TMEM178B: variants seen among roughly 807,000 people sequenced by gnomAD.
TMEM178B encodes transmembrane protein 178B.
A neutral mutation model predicts 31.0 loss-of-function variants in TMEM178B; 5 were observed. That is an observed-to-expected ratio of 0.16 (90% CI 0.08 to 0.34). TMEM178B has a LOEUF of 0.34. Ranked by LOEUF, TMEM178B falls within the 10% of genes least tolerant of loss-of-function variation. The pLI is 1.00. For synonymous variants in TMEM178B, 164 were observed against 164.0 expected, an observed-to-expected ratio of 1.00 and a Z score of 0.00; for missense variants, 275 against 400.3, an observed-to-expected ratio of 0.69 and a Z score of 2.67.
chr7:141,182,791 C>T (rs1467191334), intron 1 of TMEM178B, among the ~76,000 whole-genome samples: 1 of 152,140 alleles, frequency 6.6e-6, no homozygotes, highest in Non-Finnish European at 1.5e-5. Flanking sequence ...TGGGAGTTCC[C>T]CTGCACAAGC....
At chr7:141,306,146 G>A (rs931671084) in intron 2 of TMEM178B, among the ~76,000 whole-genome samples, 8 of 152,158 alleles carry the variant, frequency 5.3e-5, no homozygotes, top group South Asian at 2.1e-4. Context: ...CTTGGCTGCC[G>A]TTAATGTCAT....
chr7:141,423,905 T>C (rs1388423765), intron 2 of TMEM178B, among the ~76,000 whole-genome samples: 6 of 147,158 alleles, frequency 4.1e-5, no homozygotes, highest in Non-Finnish European at 8.9e-5. Flanking sequence ...ACCTCCTGGG[T>C]TCAAGTGATT....
intron 1 of TMEM178B, among the ~76,000 whole-genome samples, chr7:141,193,916 C>T (rs1279813533): frequency 6.6e-6 from 1 of 152,192 alleles, no homozygotes; most frequent in East Asian, 1.9e-4. Flanking sequence ...CCTCAGGCCA[C>T]CTCATATACT....
chr7:141,097,863 C>T (rs1199413185), intron 1 of TMEM178B, among the ~76,000 whole-genome samples: 1 of 146,440 alleles, frequency 6.8e-6, no homozygotes, highest in Non-Finnish European at 1.5e-5. Flanking sequence ...AACGATCTCT[C>T]TCACTGCAGC....
intron 1 of TMEM178B, among the ~76,000 whole-genome samples, chr7:141,187,114 C>T (rs541903617): frequency 2.0e-3 from 247 of 126,356 alleles, no homozygotes; most frequent in African/African-American, 6.9e-3. Context: ...ACAACAGTCC[C>T]TGGTGTGTGA....
intron 2 of TMEM178B, among the ~76,000 whole-genome samples, chr7:141,333,013 G>A (rs1445309389): frequency 2.0e-5 from 3 of 152,160 alleles, no homozygotes; most frequent in African/African-American, 7.2e-5. Flanking sequence ...ACCATTTTGA[G>A]AAATTTTCAA....
downstream of TMEM178B, among the ~76,000 whole-genome samples, chr7:141,483,749 T>G (rs1168889572): frequency 6.6e-6 from 1 of 151,778 alleles, no homozygotes; most frequent in African/African-American, 2.4e-5. Flanking sequence ...CTTTTTTTTT[T>G]TTTTGAGATG....
chr7:141,239,044 G>A (rs1011668702), intron 2 of TMEM178B, among the ~76,000 whole-genome samples: 3 of 152,148 alleles, frequency 2.0e-5, no homozygotes, highest in African/African-American at 7.2e-5. Context: ...TGCAGGAGCC[G>A]GTAGGAGCTA....
chr7:141,287,665 A>G (rs1332051106), intron 2 of TMEM178B, among the ~76,000 whole-genome samples: 1 of 152,148 alleles, frequency 6.6e-6, no homozygotes, highest in Non-Finnish European at 1.5e-5. Context: ...ACAAAATCTG[A>G]GCCTTTTCAG....
chr7:141,141,491 T>C (rs767052643), intron 1 of TMEM178B, among the ~76,000 whole-genome samples: 6 of 152,212 alleles, frequency 3.9e-5, no homozygotes, highest in Non-Finnish European at 7.4e-5. Context: ...TATAGTACCC[T>C]GATTCTTTCA....
chr7:141,265,860 C>T (rs1339302644), intron 2 of TMEM178B, among the ~76,000 whole-genome samples: 3 of 152,220 alleles, frequency 2.0e-5, no homozygotes, highest in Non-Finnish European at 4.4e-5. Flanking sequence ...TCATAGAGAA[C>T]CGAGATCTTG....
chr7:141,225,723 C>T (rs1172512661), intron 2 of TMEM178B, among the ~76,000 whole-genome samples: 15 of 152,332 alleles, frequency 9.8e-5, no homozygotes, highest in Admixed American at 9.1e-4. Flanking sequence ...ACTGGATCCC[C>T]CAAATTGGAT....
chr7:141,269,601 T>A (rs1378670039), intron 2 of TMEM178B, among the ~76,000 whole-genome samples: 1 of 152,228 alleles, frequency 6.6e-6, no homozygotes, highest in Non-Finnish European at 1.5e-5. Context: ...TATTTTTATC[T>A]TTTAATCTTT....
intron 1 of TMEM178B, among the ~76,000 whole-genome samples, chr7:141,205,507 CTG>C (rs1289088295): frequency 6.6e-6 from 1 of 152,228 alleles, no homozygotes; most frequent in Non-Finnish European, 1.5e-5. Context: ...TAGGCATCCT[CTG>C]TAGCTGAGGG....
the TMEM178B span, among the ~76,000 whole-genome samples, chr7:141,501,584 T>C: frequency 2.6e-5 from 4 of 152,340 alleles, no homozygotes; most frequent in Admixed American, 1.3e-4. Context: ...GAGGTTAATA[T>C]TTAAATCAGT....
intron 1 of TMEM178B, among the ~76,000 whole-genome samples, chr7:141,200,753 G>C (rs28660135): frequency 0.064 from 9,747 of 152,236 alleles, 954 homozygotes; most frequent in African/African-American, 0.21. Context: ...GTGGCCAAAA[G>C]AGGAACGTAC....
At chr7:141,349,995 C>G (rs147845184) in intron 2 of TMEM178B, among the ~76,000 whole-genome samples, 3 of 151,486 alleles carry the variant, frequency 2.0e-5, no homozygotes, top group Non-Finnish European at 2.9e-5. Context: ...ATCCATCCAT[C>G]CATGCATGCA....
intron 2 of TMEM178B, among the ~76,000 whole-genome samples, chr7:141,296,398 G>A (rs895482704): frequency 4.6e-5 from 7 of 152,072 alleles, no homozygotes; most frequent in African/African-American, 1.7e-4. Flanking sequence ...GGTCTTCAGG[G>A]GCAAGGGTTT....
chr7:141,497,576 G>A, the TMEM178B span, among the ~76,000 whole-genome samples: 1 of 152,126 alleles, frequency 6.6e-6, no homozygotes, highest in South Asian at 2.1e-4. Flanking sequence ...ATACAGTCTG[G>A]TATCATTTTG....
Sources: allele counts gnomAD v4.1 joint callset (sites outside exome capture counted in the v4.1 genomes callset), GRCh38; gene constraint gnomAD v4.1.1; transcripts MANE v1.5; gene names NCBI Gene and HGNC (gene_info 2026-07-23, HGNC 2026-07-21).